The following UGT3A2 variants were observed in gnomAD, a reference collection of about 807,000 sequenced individuals.
UGT3A2 encodes UDP-glycosyltransferase 3A2.
A neutral mutation model predicts 39.8 loss-of-function variants in UGT3A2; 32 were observed. The ratio of observed to expected loss-of-function variants is 0.80; its 90% CI spans 0.61 to 1.08. The LOEUF (loss-of-function observed/expected upper bound fraction) is 1.08. UGT3A2 is among the 50% of genes least tolerant of loss of function. The pLI, the probability that UGT3A2 is intolerant of heterozygous loss-of-function variation, is 0.00. For synonymous variants in UGT3A2, 241 were observed against 230.7 expected, an observed-to-expected ratio of 1.04 and a Z score of -0.40; for missense variants, 611 against 637.1, an observed-to-expected ratio of 0.96 and a Z score of 0.44.
intron 2 of UGT3A2, among the ~76,000 whole-genome samples, chr5:36,057,036 C>T (rs1742535334): frequency 6.6e-6 from 1 of 152,202 alleles, no homozygotes; most frequent in African/African-American, 2.4e-5. Flanking sequence ...CTCTCTCATG[C>T]TCGTGAATAT....
chr5:36,040,719 G>A (rs545854364), intron 4 of UGT3A2, among the ~76,000 whole-genome samples: 1 of 152,302 alleles, frequency 6.6e-6, no homozygotes, highest in Admixed American at 6.5e-5. Flanking sequence ...AAGCACCGCA[G>A]GCTAAAGTGC....
Position 36,037,913 on chromosome 5 carries a change from G to C in UGT3A2, c.1179C>G (p.Asp393Glu). Reference sequence around the variant, plus strand: ...CTACTCGGACCATGTTTTCAGGCTGGTCTCCAAAGAGAGGGATCCCCACCA... The same window carrying C: ...CTACTCGGACCATGTTTTCAGGCTGCTCTCCAAAGAGAGGGATCCCCACCA... Reference protein sequence around the residue: ...VPMVGIPLFGDQPENMVRVEA... With the variant: ...VPMVGIPLFGEQPENMVRVEA... Residue 393 changes from aspartate (D) to glutamate (E), a missense_variant, in exon 6 of 7, where the codon GAC (aspartate) becomes GAG (glutamate). By Grantham distance (45) the Asp-to-Glu change is conservative. Coordinates refer to ENST00000282507, the MANE Select transcript of UGT3A2 (RefSeq NM_174914.4). 1 of 1,614,148 alleles carries C rather than the reference G, an allele frequency of 6.2e-7. No homozygotes were observed. Among genetic ancestry groups the C allele is most frequent in the African/African-American group, 1.3e-5 (1 of 75,020 alleles).
intron 5 of UGT3A2, 93 bp downstream of exon 5, chr5:36,039,384 A>C: frequency 8.0e-7 from 1 of 1,246,502 alleles, no homozygotes; most frequent in Admixed American, 1.8e-5. Context: ...ACCATTCACC[A>C]GTGGGTACAA....
Position 36,064,310 on chromosome 5 carries a change from A to C in UGT3A2, c.135T>G (p.Ile45Met), listed in dbSNP as rs750115745. Reference sequence around the variant, plus strand: ...TGACATTATGACCGTGATCTTGAAGAATCTGAGAAACCCGGTCCATCAGTA... The same window carrying C: ...TGACATTATGACCGTGATCTTGAAGCATCTGAGAAACCCGGTCCATCAGTA... ...HYLLMDRVSQILQDHGHNVTM... is the reference protein window; with the variant it reads ...HYLLMDRVSQMLQDHGHNVTM... The change falls in exon 2 of 7, where the codon ATT (isoleucine) becomes ATG (methionine). Residue 45 changes from isoleucine to methionine, a missense_variant. Transcript: ENST00000282507. The C allele has an allele frequency of 1.9e-6, 3 of 1,614,118 alleles. No homozygotes were observed. In the South Asian group the frequency reaches 3.3e-5, roughly 18 times the overall value.
intron 4 of UGT3A2, among the ~76,000 whole-genome samples, chr5:36,042,895 T>C (rs773845444): frequency 6.6e-6 from 1 of 152,096 alleles, no homozygotes; most frequent in Middle Eastern, 3.4e-3. Context: ...AAAGCAAACA[T>C]TATTAGAGGT....
At chr5:36,054,056 C>T (rs1742431096) in intron 2 of UGT3A2, among the ~76,000 whole-genome samples, 1 of 152,178 alleles carries the variant, frequency 6.6e-6, no homozygotes, top group Non-Finnish European at 1.5e-5. Flanking sequence ...ATTGCAAAAA[C>T]AATCTCATAA....
At chr5:36,040,458 G>A (rs1741972385) in intron 4 of UGT3A2, among the ~76,000 whole-genome samples, 1 of 152,114 alleles carries the variant, frequency 6.6e-6, no homozygotes, top group Non-Finnish European at 1.5e-5. Context: ...TCATACCGAG[G>A]AAAAAGGCAC....
chr5:36,044,902 T>C (rs1482359866), intron 4 of UGT3A2, among the ~76,000 whole-genome samples: 1 of 152,164 alleles, frequency 6.6e-6, no homozygotes, highest in Non-Finnish European at 1.5e-5. Flanking sequence ...AAAATGTCCA[T>C]ACTACCCAAA....
chr5:36,066,658 G>C (rs2455317), intron 1 of UGT3A2, 38 bp downstream of exon 1: 3 of 1,613,000 alleles, frequency 1.9e-6, no homozygotes, highest in African/African-American at 2.7e-5. Flanking sequence ...GAGTATCCGG[G>C]ACGCGCCTGT....
chr5:36,051,831 A>G, intron 3 of UGT3A2, 39 bp downstream of exon 3: 1 of 1,454,818 alleles, frequency 6.9e-7, no homozygotes, highest in African/African-American at 1.4e-5. Flanking sequence ...TATTATGAAA[A>G]TGGTGACCTT....
chr5:36,055,941 C>G (rs1283541829), intron 2 of UGT3A2, among the ~76,000 whole-genome samples: 2 of 152,092 alleles, frequency 1.3e-5, no homozygotes, highest in Non-Finnish European at 2.9e-5. Context: ...ATTATCTTGT[C>G]CTATCCATCT....
At chr5:36,045,000 A>T (rs1323481794) in intron 4 of UGT3A2, among the ~76,000 whole-genome samples, 1 of 152,200 alleles carries the variant, frequency 6.6e-6, no homozygotes, top group African/African-American at 2.4e-5. Context: ...ATTTATATGG[A>T]ACCACAAAAG....
In UGT3A2 at chr5:36,066,758, C is replaced by G; in HGVS notation, c.32G>C (p.Gly11Ala). 2 of 1,614,230 alleles carry G rather than the reference C, an allele frequency of 1.2e-6. No individual in the cohort carries two copies. Among genetic ancestry groups the G allele is most frequent in the Non-Finnish European group, 1.7e-6 (2 of 1,180,044 alleles). Residue 11 changes from glycine to alanine, a missense_variant, in exon 1 of 7, where the codon GGC (glycine) becomes GCC (alanine). Physicochemically the swap from Gly to Ala is moderately conservative, Grantham distance 60. Coordinates refer to ENST00000282507, the MANE Select transcript of UGT3A2 (RefSeq NM_174914.4). Reference sequence around the variant, plus strand: ...GAGCAGGACCCCAGGGAGAAGGAAGCCCACTAGAAGAAGCACTCGCTGCCC... The same window carrying G: ...GAGCAGGACCCCAGGGAGAAGGAAGGCCACTAGAAGAAGCACTCGCTGCCC... MAGQRVLLLV[G>A]FLLPGVLLSE...
At chr5:36,041,848 A>G (rs1742017929) in intron 4 of UGT3A2, among the ~76,000 whole-genome samples, 1 of 152,162 alleles carries the variant, frequency 6.6e-6, no homozygotes, top group Non-Finnish European at 1.5e-5. Context: ...CCAGACATTG[A>G]TGAACAAGTT....
At chr5:36,047,038 T>A (rs1742189795) in intron 4 of UGT3A2, among the ~76,000 whole-genome samples, 1 of 152,350 alleles carries the variant, frequency 6.6e-6, no homozygotes, top group Admixed American at 6.5e-5. Context: ...TCCTCTGTCC[T>A]ATTGTTTCAC....
intron 1 of UGT3A2, among the ~76,000 whole-genome samples, chr5:36,064,551 G>C (rs926732394): frequency 6.6e-6 from 1 of 152,196 alleles, no homozygotes; most frequent in Non-Finnish European, 1.5e-5. Context: ...ATTTTTACCT[G>C]TGGCTCTGGT....
At chr5:36,037,155 A>G (rs898036821) in intron 6 of UGT3A2, among the ~76,000 whole-genome samples, 2 of 152,138 alleles carry the variant, frequency 1.3e-5, no homozygotes, top group African/African-American at 4.8e-5. Flanking sequence ...AATCCCAGCT[A>G]CTCGGGAGGC....
At chr5:36,065,882 C>T (rs1026156282) in intron 1 of UGT3A2, among the ~76,000 whole-genome samples, 2 of 152,126 alleles carry the variant, frequency 1.3e-5, no homozygotes, top group Non-Finnish European at 2.9e-5. Context: ...AAAAGGAATC[C>T]ATTAGAACCC....
At chr5:36,036,053 CACCAAAG>C in intron 6 of UGT3A2, 79 bp from the exon 7 acceptor site, 1 of 1,517,300 alleles carries the variant, frequency 6.6e-7, no homozygotes, top group Non-Finnish European at 8.9e-7. Flanking sequence ...CTATATGATG[CACCAAAG>C]ACTGAGTTCC....
Sources: allele counts gnomAD v4.1 joint callset (sites outside exome capture counted in the v4.1 genomes callset), GRCh38; gene constraint gnomAD v4.1.1; transcripts MANE v1.5; gene names NCBI Gene and HGNC (gene_info 2026-07-23, HGNC 2026-07-21).